ALDH7A1: variants seen among roughly 807,000 people sequenced by gnomAD.
ALDH7A1 encodes aldehyde dehydrogenase 7 family member A1.
Under a neutral mutation model 79.9 loss-of-function variants are expected in ALDH7A1, and 63 were observed. The observed-to-expected ratio is 0.79, with a 90% CI of 0.64 to 0.97. The LOEUF (loss-of-function observed/expected upper bound fraction) is 0.97, where lower values mean the gene tolerates loss of function less well. Among genes scored for constraint, ALDH7A1 ranks in the 50% least tolerant of loss-of-function variants. The probability of loss-of-function intolerance (pLI) is 0.00; values close to 1 mark genes in which losing one functional copy is unlikely to be tolerated. For missense variants in ALDH7A1, 627 were observed against 665.2 expected, an observed-to-expected ratio of 0.94 and a Z score of 0.63; for synonymous variants, 240 against 231.2, an observed-to-expected ratio of 1.04 and a Z score of -0.34.
At chr5:126,578,761 G>C (rs959993741) in intron 5 of ALDH7A1, among the ~76,000 whole-genome samples, 1 of 151,974 alleles carries the variant, frequency 6.6e-6, no homozygotes, top group Non-Finnish European at 1.5e-5. Flanking sequence ...TTAATTAAAG[G>C]CAGCTGGACA....
chr5:126,546,254 G>A, intron 17 of ALDH7A1, 70 bp downstream of exon 17: 1 of 1,345,588 alleles, frequency 7.4e-7, no homozygotes, highest in Admixed American at 1.7e-5. Flanking sequence ...AGCACAGACA[G>A]TAGGAAAGTG....
chr5:126,554,492 A>G (rs1194969525), intron 12 of ALDH7A1, 99 bp from the exon 13 acceptor site: 3 of 888,114 alleles, frequency 3.4e-6, no homozygotes, highest in Non-Finnish European at 5.7e-6. Flanking sequence ...ATCCCTTCCT[A>G]TATGCTCTCA....
intron 16 of ALDH7A1, 108 bp from the exon 17 acceptor site, chr5:126,546,507 ATTTAC>A (rs1749791704): frequency 2.0e-6 from 2 of 980,588 alleles, no homozygotes; most frequent in Non-Finnish European, 3.2e-6. Context: ...CAACCTGATT[ATTTAC>A]TTTACATTTA....
At chr5:126,569,999 G>C (rs1369922932) in intron 8 of ALDH7A1, 1 of 152,256 alleles carries the variant, frequency 6.6e-6, no homozygotes, top group Non-Finnish European at 1.5e-5. Flanking sequence ...CACAAGTATA[G>C]TCCATGTCAT....
At chr5:126,558,917 T>TA (rs1363543752) in intron 11 of ALDH7A1, among the ~76,000 whole-genome samples, 1 of 152,260 alleles carries the variant, frequency 6.6e-6, no homozygotes, top group Non-Finnish European at 1.5e-5. Context: ...TTTTTATTTT[T>TA]ATCTTGTTTT....
At chr5:126,559,119 GC>G (rs1287917735) in intron 11 of ALDH7A1, 120 bp downstream of exon 11, 1 of 794,848 alleles carries the variant, frequency 1.3e-6, no homozygotes, top group Non-Finnish European at 2.1e-6. Context: ...CCACATATTT[GC>G]CAGCCACATC....
chr5:126,546,211 G>A (rs1375614777), intron 17 of ALDH7A1, 113 bp downstream of exon 17: 2 of 1,013,152 alleles, frequency 2.0e-6, no homozygotes, highest in South Asian at 1.3e-5. Context: ...TGGAATGCTG[G>A]AAAAATCAAA....
chr5:126,580,959 G>A (rs1055940029), intron 5 of ALDH7A1, among the ~76,000 whole-genome samples: 2 of 152,038 alleles, frequency 1.3e-5, no homozygotes, highest in East Asian at 3.9e-4. Context: ...CGAGTAGCTG[G>A]GATTACAGGC....
At chr5:126,571,769 C>T (rs1243548678) in intron 7 of ALDH7A1, among the ~76,000 whole-genome samples, 1 of 152,012 alleles carries the variant, frequency 6.6e-6, no homozygotes, top group Non-Finnish European at 1.5e-5. Flanking sequence ...TTAAACACAT[C>T]TCTGCAAAGC....
rs150589724 is a variant in ALDH7A1, at chr5:126,582,300, C to A, written c.517+551G>T. On this transcript the variant is annotated intron_variant, in intron 5 of 17. Transcript: ENST00000409134. ...TTCTGATATGAATCTATCGTTTCTT[C>A]AAAAAAAATTAACATTAGTATAATT... 2.3e-3 allele frequency among the ~76,000 whole-genome samples: 353 copies of A among 151,898 alleles called. 3 individuals are homozygous for A. The highest frequency in any genetic ancestry group is 7.9e-3 in the African/African-American group (328 of 41,468).
chr5:126,575,661 T>G (rs938140255), intron 6 of ALDH7A1, among the ~76,000 whole-genome samples, 197 bp from the exon 7 acceptor site: 1 of 152,132 alleles, frequency 6.6e-6, no homozygotes, highest in Non-Finnish European at 1.5e-5. Flanking sequence ...CAACAAAACT[T>G]TCATGAACAT....
intron 5 of ALDH7A1, among the ~76,000 whole-genome samples, chr5:126,578,126 T>C (rs538656488): frequency 4.0e-4 from 60 of 149,290 alleles, no homozygotes; most frequent in African/African-American, 1.4e-3. Flanking sequence ...CTGTCTCTAC[T>C]GAAAAAACAA....
Position 126,542,046 on chromosome 5 carries a change from G to A in ALDH7A1, c.*2919C>T, listed in dbSNP as rs1324173927. 1.3e-5 allele frequency: 2 copies of A among 148,972 alleles called. No individual in the cohort carries two copies. The highest frequency in any genetic ancestry group is 4.9e-5 in the African/African-American group (2 of 40,476). 9.2% of individuals were successfully genotyped at this position (148,972 alleles called of 1,614,324 possible). A position where few individuals can be genotyped will look rare whatever the true frequency, so the allele number is the denominator to read the frequency against. ...TATATTCAATCAATATGGGGATAAA[G>A]TTCTTCCCCTTGGATAGGAGAGGTT... On this transcript the variant is annotated 3_prime_UTR_variant, in exon 18 of 18. Transcript: ENST00000409134.
At chr5:126,582,300 CA>C (rs1354695796) in intron 5 of ALDH7A1, among the ~76,000 whole-genome samples, 3 of 151,780 alleles carry the variant, frequency 2.0e-5, no homozygotes, top group South Asian at 4.2e-4. Context: ...ATCGTTTCTT[CA>C]AAAAAAATTA....
chr5:126,565,262 G>A (rs577020883), intron 9 of ALDH7A1, among the ~76,000 whole-genome samples: 19 of 150,366 alleles, frequency 1.3e-4, no homozygotes, highest in South Asian at 4.2e-4. Context: ...ACATGGTGGC[G>A]CATGCCTGTA....
At chr5:126,549,850 T>C (rs1749927697) in intron 16 of ALDH7A1, 79 bp downstream of exon 16, 4 of 1,271,020 alleles carry the variant, frequency 3.1e-6, no homozygotes, top group Admixed American at 1.7e-5. Flanking sequence ...TTCAGTCTCT[T>C]GGTCAGCCTT....
At chr5:126,576,262 C>CAAAAAA (rs35284915) in intron 6 of ALDH7A1, among the ~76,000 whole-genome samples, 5 of 89,208 alleles carry the variant, frequency 5.6e-5, no homozygotes, top group South Asian at 6.9e-4. Context: ...GACTCTGTCA[C>CAAAAAA]AAAAAAAAAA....
At chr5:126,553,403 T>C (rs1184246992) in intron 13 of ALDH7A1, 1 of 152,220 alleles carries the variant, frequency 6.6e-6, no homozygotes, top group Non-Finnish European at 1.5e-5. Flanking sequence ...AAGCAAGCAT[T>C]GTTGTCATTC....
chr5:126,550,437 CTCTTA>C (rs1222296694), intron 14 of ALDH7A1, 144 bp from the exon 15 acceptor site: 1 of 696,606 alleles, frequency 1.4e-6, no homozygotes, highest in Non-Finnish European at 2.4e-6. Flanking sequence ...CACTCTGTTT[CTCTTA>C]TAATTCAGAT....
Sources: allele counts gnomAD v4.1 joint callset (sites outside exome capture counted in the v4.1 genomes callset), GRCh38; gene constraint gnomAD v4.1.1; transcripts MANE v1.5; gene names NCBI Gene and HGNC (gene_info 2026-07-23, HGNC 2026-07-21).